Variants in ASAH1 observed in about 807,000 individuals in gnomAD.
ASAH1 encodes the protein acid ceramidase.
Under a neutral mutation model 59.5 loss-of-function variants are expected in ASAH1, and 70 were observed. The ratio of observed to expected loss-of-function variants is 1.18; its 90% CI spans 0.97 to 1.43. ASAH1 has a LOEUF of 1.43. Among genes scored for constraint, ASAH1 ranks in the 40% most tolerant of loss-of-function variants. The probability of loss-of-function intolerance (pLI) is 0.00; values close to 1 mark genes in which losing one functional copy is unlikely to be tolerated. For synonymous variants in ASAH1, 213 were observed against 166.5 expected, an observed-to-expected ratio of 1.28 and a Z score of -2.15; for missense variants, 660 against 482.5, an observed-to-expected ratio of 1.37 and a Z score of -3.45.
intron 4 of ASAH1, among the ~76,000 whole-genome samples, chr8:18,068,857 G>C (rs554671849): frequency 2.6e-5 from 4 of 152,178 alleles, no homozygotes; most frequent in Non-Finnish European, 5.9e-5. Flanking sequence ...CGGGCATGGC[G>C]GTTCACACCT....
At chr8:18,071,115 G>C (rs1021267042) in intron 3 of ASAH1, among the ~76,000 whole-genome samples, 185 bp downstream of exon 3, 3 of 151,902 alleles carry the variant, frequency 2.0e-5, no homozygotes, top group Admixed American at 2.0e-4. Context: ...GCTGAGGCAG[G>C]GAAATTGCTA....
chr8:18,071,253 T>TAAAAC (rs1564546792), intron 3 of ASAH1, 47 bp downstream of exon 3: 1 of 1,010,728 alleles, frequency 9.9e-7, no homozygotes, highest in Non-Finnish European at 1.3e-6. Flanking sequence ...AGAAATAAAA[T>TAAAAC]AAAAAATAAA....
intron 7 of ASAH1, chr8:18,062,833 C>T: frequency 3.0e-6 from 1 of 336,270 alleles, no homozygotes; most frequent in South Asian, 2.9e-5. Flanking sequence ...TATAACACAA[C>T]CTACTCTTCC....
intron 1 of ASAH1, chr8:18,082,423 CCA>C (rs1242782917): frequency 6.6e-6 from 1 of 152,148 alleles, no homozygotes; most frequent in East Asian, 1.9e-4. Context: ...ATCAACAATC[CCA>C]CAGATACCTA....
At chr8:18,084,220 G>A (rs1301990950), upstream of ASAH1, 2 of 1,504,124 alleles carry the variant, frequency 1.3e-6, no homozygotes, top group South Asian at 1.3e-5. Flanking sequence ...ACTGGGAGGA[G>A]AGGACGGGGC....
chr8:18,061,649 C>G, intron 9 of ASAH1, 37 bp downstream of exon 9: 1 of 1,573,244 alleles, frequency 6.4e-7, no homozygotes, highest in Non-Finnish European at 8.7e-7. Flanking sequence ...TAAAAAAGCT[C>G]TGAGATTCCC....
intron 5 of ASAH1, 41 bp downstream of exon 5, chr8:18,067,179 T>A (rs1799964761): frequency 1.3e-6 from 2 of 1,555,234 alleles, no homozygotes; most frequent in African/African-American, 1.4e-5. Context: ...TGTAAAAGAA[T>A]TTAATTACTT....
chr8:18,062,065 T>C, intron 8 of ASAH1: 2 of 663,024 alleles, frequency 3.0e-6, no homozygotes, highest in Non-Finnish European at 5.1e-6. Context: ...CCCAGCCACA[T>C]GCTCTTTATC....
intron 7 of ASAH1, chr8:18,062,685 ATTC>A (rs1387339427): frequency 6.2e-6 from 3 of 483,238 alleles, no homozygotes; most frequent in South Asian, 2.1e-5. Flanking sequence ...TAATTACAAT[ATTC>A]TTATTTTTTC....
At chr8:18,060,853 A>T in intron 10 of ASAH1, 1 of 165,186 alleles carries the variant, frequency 6.1e-6, no homozygotes, top group Non-Finnish European at 1.3e-5. Flanking sequence ...GGCTCAGGTG[A>T]TCCTCCCACC....
chr8:18,061,117 T>TC, intron 10 of ASAH1: 1 of 348,586 alleles, frequency 2.9e-6, no homozygotes. Context: ...TCATTTTTTT[T>TC]CTGTACACCA....
At chr8:18,058,756 C>T (rs746637157) in intron 13 of ASAH1, 79 bp downstream of exon 13, 3 of 1,300,808 alleles carry the variant, frequency 2.3e-6, no homozygotes, top group Non-Finnish European at 3.3e-6. Context: ...TCAAACTGAT[C>T]AAAGATAACA....
Position 18,057,528 on chromosome 8 carries a change from G to T in ASAH1, c.*6C>A. On this transcript the variant is annotated 3_prime_UTR_variant, in exon 14 of 14. Transcript: ENST00000637790. ...AGAGGCCGCATTCTGTAGGCCAGAC[G>T]TGTGCTCACCAACCTATACAAGGGT... 1 of 1,590,640 alleles carries T rather than the reference G, an allele frequency of 6.3e-7. No homozygotes were observed. Among genetic ancestry groups the T allele is most frequent in the Non-Finnish European group, 8.6e-7 (1 of 1,163,446 alleles).
At chr8:18,080,999 A>G (rs75966206) in intron 1 of ASAH1, among the ~76,000 whole-genome samples, 3,165 of 152,216 alleles carry the variant, frequency 0.021, 110 homozygotes, top group African/African-American at 0.072. Flanking sequence ...TTCAAATATA[A>G]TATCATTATG....
intron 5 of ASAH1, chr8:18,065,929 ATATT>A (rs1400131485): frequency 6.9e-6 from 1 of 144,662 alleles, no homozygotes; most frequent in African/African-American, 2.5e-5. Flanking sequence ...TATGTATTGT[ATATT>A]TATATCAAAG....
intron 10 of ASAH1, 193 bp downstream of exon 10, chr8:18,061,184 T>A (rs1028061680): frequency 1.6e-5 from 8 of 501,930 alleles, no homozygotes; most frequent in Non-Finnish European, 2.5e-5. Flanking sequence ...TTTAAGTAAT[T>A]CATTTATTTG....
intron 5 of ASAH1, 66 bp downstream of exon 5, chr8:18,067,154 A>G: frequency 1.4e-6 from 2 of 1,440,452 alleles, no homozygotes; most frequent in Non-Finnish European, 1.9e-6. Flanking sequence ...TGTATATCAC[A>G]CCTCAATGGA....
At position 18,059,388 on chromosome 8, in the gene ASAH1, C is replaced by G. The variant is rs941670381; in HGVS notation, c.994G>C (p.Asp332His). 2 of 1,614,186 alleles carry G rather than the reference C, an allele frequency of 1.2e-6. No homozygotes were observed. The highest frequency in any genetic ancestry group is 1.7e-5 in the Admixed American group (1 of 60,026). Residue 332 changes from aspartate (D) to histidine (H), a missense_variant, in exon 12 of 14, where the codon GAT (aspartate) becomes CAT (histidine). By Grantham distance (81) the Asp-to-His change is moderately conservative. Coordinates refer to ENST00000637790, the MANE Select transcript of ASAH1 (RefSeq NM_177924.5). The part of the protein sequence containing the change: ...DRWKHPFFLD[D>H]RRTPAKMCLN... ...CACATCTTTGCAGGCGTTCTGCGAT[C>G]ATCAAGGAAGAAGGGATGTTTCCAA...
intron 8 of ASAH1, chr8:18,061,950 G>A (rs536037575): frequency 6.3e-6 from 4 of 639,630 alleles, no homozygotes; most frequent in African/African-American, 3.7e-5. Context: ...CACTGGCAAC[G>A]CTTTTTGGAC....
Sources: gnomAD v4.1 joint callset for allele counts (sites outside exome capture counted in the v4.1 genomes callset) on GRCh38, gnomAD v4.1.1 for gene constraint, MANE v1.5 for transcripts, NCBI Gene and HGNC (gene_info 2026-07-23, HGNC 2026-07-21) for gene names.